The following PLCL2 variants were observed in gnomAD, a reference collection of about 807,000 sequenced individuals.
PLCL2 encodes phospholipase C like 2, also known as inactive phospholipase C-like protein 2.
In PLCL2, 4 loss-of-function variants were observed where a neutral mutation model predicts 79.6. The observed-to-expected ratio is 0.05, with a 90% CI of 0.02 to 0.11. The LOEUF (loss-of-function observed/expected upper bound fraction) is 0.11. Ranked by LOEUF, PLCL2 falls within the 10% of genes least tolerant of loss-of-function variation. The pLI is 1.00. For missense variants in PLCL2, 895 were observed against 1,291.0 expected, an observed-to-expected ratio of 0.69 and a Z score of 4.70; for synonymous variants, 484 against 457.7, an observed-to-expected ratio of 1.06 and a Z score of -0.73.
intron 5 of PLCL2, among the ~76,000 whole-genome samples, chr3:17,087,489 C>T (rs1260380372): frequency 6.6e-6 from 1 of 152,074 alleles, no homozygotes. Flanking sequence ...TCAATGGTTG[C>T]CAGGGGTTGG....
chr3:16,978,534 G>A (rs2063948906), intron 1 of PLCL2, among the ~76,000 whole-genome samples: 1 of 152,240 alleles, frequency 6.6e-6, no homozygotes, highest in African/African-American at 2.4e-5. Flanking sequence ...GGGGTGGACT[G>A]AAGCCTGCCT....
chr3:16,985,092 T>G, intron 1 of PLCL2, among the ~76,000 whole-genome samples: 1 of 152,146 alleles, frequency 6.6e-6, no homozygotes, highest in East Asian at 1.9e-4. Context: ...GAGAATTGTT[T>G]GTGGAATTCT....
intron 1 of PLCL2, among the ~76,000 whole-genome samples, chr3:16,926,575 G>T (rs759027980): frequency 6.6e-6 from 1 of 151,936 alleles, no homozygotes; most frequent in Non-Finnish European, 1.5e-5. Context: ...TAGAGACAAA[G>T]CCTATTTTAA....
chr3:16,970,187 A>G (rs1014329394), intron 1 of PLCL2, among the ~76,000 whole-genome samples: 1 of 151,808 alleles, frequency 6.6e-6, no homozygotes, highest in Non-Finnish European at 1.5e-5. Context: ...CATTAGGTAT[A>G]TCGCCTAATG....
intron 1 of PLCL2, among the ~76,000 whole-genome samples, chr3:16,923,495 C>T (rs1035771707): frequency 6.6e-6 from 1 of 152,204 alleles, no homozygotes; most frequent in Non-Finnish European, 1.5e-5. Flanking sequence ...ACAGCGCCCA[C>T]CTCTCAATGG....
chr3:16,935,793 T>A (rs1697524847), intron 1 of PLCL2, among the ~76,000 whole-genome samples: 1 of 152,084 alleles, frequency 6.6e-6, no homozygotes, highest in African/African-American at 2.4e-5. Context: ...GTGCCATTGC[T>A]AAAAAATAAA....
At chr3:17,056,310 GT>G (rs199573522) in intron 4 of PLCL2, among the ~76,000 whole-genome samples, 1 of 151,910 alleles carries the variant, frequency 6.6e-6, no homozygotes, top group African/African-American at 2.4e-5. Flanking sequence ...ATACCAGAAG[GT>G]TATATATATA....
rs192645102 is a variant in PLCL2, at chr3:17,076,269, A to T, written c.3204+8204A>T. Among the ~76,000 whole-genome samples, 3 of 151,914 alleles carry T rather than the reference A, an allele frequency of 2.0e-5. No homozygotes were observed. The East Asian group carries it at 5.8e-4, about 29-fold the overall frequency. Reference sequence around the variant, plus strand: ...TTTTAAAAAATATCTGACTGACTCTAATGTGGTTTTCTTTATGTTTCTTCT... The same window carrying T: ...TTTTAAAAAATATCTGACTGACTCTTATGTGGTTTTCTTTATGTTTCTTCT... On this transcript the variant is annotated intron_variant, in intron 5 of 5. Coordinates refer to ENST00000615277, the MANE Select transcript of PLCL2 (RefSeq NM_001144382.2).
chr3:16,980,321 C>T (rs1280030289), intron 1 of PLCL2, among the ~76,000 whole-genome samples: 11 of 149,286 alleles, frequency 7.4e-5, no homozygotes, highest in Non-Finnish European at 7.5e-5. Flanking sequence ...CGGGCGGAGA[C>T]GCTCCTCACT....
intron 1 of PLCL2, among the ~76,000 whole-genome samples, chr3:16,971,866 A>G (rs1211172600): frequency 5.9e-5 from 9 of 152,170 alleles, no homozygotes; most frequent in Non-Finnish European, 8.8e-5. Flanking sequence ...TTATTGGTGT[A>G]TAAGAATGCT....
intron 3 of PLCL2, among the ~76,000 whole-genome samples, chr3:17,020,493 A>T (rs997301008): frequency 2.0e-5 from 3 of 152,162 alleles, no homozygotes; most frequent in African/African-American, 7.2e-5. Flanking sequence ...ACGTGAATTC[A>T]TTCTTGTCAT....
intron 3 of PLCL2, among the ~76,000 whole-genome samples, chr3:17,018,307 C>A (rs2064408540): frequency 6.6e-6 from 1 of 152,078 alleles, no homozygotes; most frequent in Non-Finnish European, 1.5e-5. Context: ...CACATAGCAA[C>A]CCTAGGTAGG....
At chr3:17,071,575 C>T (rs1194814864) in intron 5 of PLCL2, among the ~76,000 whole-genome samples, 1 of 152,030 alleles carries the variant, frequency 6.6e-6, no homozygotes, top group Non-Finnish European at 1.5e-5. Context: ...GACTTTATTC[C>T]AGGAACCTTT....
At chr3:16,969,876 C>G (rs1019238346) in intron 1 of PLCL2, among the ~76,000 whole-genome samples, 1 of 151,422 alleles carries the variant, frequency 6.6e-6, no homozygotes, top group African/African-American at 2.4e-5. Context: ...GGGCGTTTAT[C>G]TGTGTCCCAG....
intron 1 of PLCL2, among the ~76,000 whole-genome samples, chr3:16,968,045 T>A (rs1438228237): frequency 1.3e-5 from 2 of 152,116 alleles, no homozygotes; most frequent in African/African-American, 4.8e-5. Context: ...CTTGTTTTTG[T>A]CTACTTTGTT....
chr3:16,910,468 C>T lies in PLCL2; in HGVS notation c.327+25102C>T, dbSNP rs374122063. Among the ~76,000 whole-genome samples the T allele has an allele frequency of 5.3e-5, 8 of 152,108 alleles. No homozygotes were observed. The East Asian group carries it at 1.3e-3, about 26-fold the overall frequency. On this transcript the variant is annotated intron_variant, in intron 1 of 5. Transcript: ENST00000615277. ...TTCGCTTGGCTTCCAGGGCTCCCTACTCTCCCAGTTCTCCTCCTGTCTCAC... is the reference window on the plus strand; with the variant it reads ...TTCGCTTGGCTTCCAGGGCTCCCTATTCTCCCAGTTCTCCTCCTGTCTCAC...
intron 1 of PLCL2, among the ~76,000 whole-genome samples, chr3:16,966,975 C>T (rs1209915900): frequency 6.6e-6 from 1 of 151,996 alleles, no homozygotes; most frequent in African/African-American, 2.4e-5. Flanking sequence ...TCTGTGTATC[C>T]CTCTGTACTC....
At chr3:16,889,258 C>G (rs1318803389) in intron 1 of PLCL2, among the ~76,000 whole-genome samples, 1 of 152,146 alleles carries the variant, frequency 6.6e-6, no homozygotes, top group Non-Finnish European at 1.5e-5. Flanking sequence ...GGTGCTGGAG[C>G]TACTTGTATC....
intron 1 of PLCL2, among the ~76,000 whole-genome samples, chr3:17,008,013 A>G (rs569247183): frequency 6.6e-6 from 1 of 152,308 alleles, no homozygotes; most frequent in East Asian, 1.9e-4. Context: ...GGACTTAAAT[A>G]CACACACAGA....
Sources: gnomAD v4.1 joint callset for allele counts (sites outside exome capture counted in the v4.1 genomes callset) on GRCh38, gnomAD v4.1.1 for gene constraint, MANE v1.5 for transcripts, NCBI Gene and HGNC (gene_info 2026-07-23, HGNC 2026-07-21) for gene names.